Variants in BCOR observed in about 807,000 individuals in gnomAD.
The protein encoded by BCOR is BCL-6 corepressor.
BCOR carries 10 observed loss-of-function variants against 86.7 expected under a neutral mutation model. That is an observed-to-expected ratio of 0.12 (90% confidence interval 0.07 to 0.20). The LOEUF (loss-of-function observed/expected upper bound fraction) is 0.20. BCOR is among the 10% of genes least tolerant of loss of function. The pLI is 1.00. For missense variants in BCOR, 1,259 were observed against 1,452.1 expected, an observed-to-expected ratio of 0.87 and a Z score of 2.16; for synonymous variants, 611 against 609.0, an observed-to-expected ratio of 1.00 and a Z score of -0.05.
intron 4 of BCOR, 42 bp downstream of exon 4, chrX:40,072,307 G>A (rs2147197548): frequency 8.5e-7 from 1 of 1,174,726 alleles, no homozygotes; most frequent in African/African-American, 1.8e-5. Context: ...TTAAAAAACT[G>A]ACAACTGGTA....
intron 1 of BCOR, among the ~76,000 whole-genome samples, chrX:40,152,907 G>A (rs1309146476): frequency 1.8e-5 from 2 of 113,285 alleles, no homozygotes; most frequent in African/African-American, 6.4e-5. Context: ...CGAGAGGGCG[G>A]GAGGAGACAG....
intron 1 of BCOR, among the ~76,000 whole-genome samples, chrX:40,126,214 CAAAAAAAAA>C (rs753237058): frequency 2.8e-5 from 1 of 35,121 alleles, no homozygotes; most frequent in East Asian, 9.0e-4. Flanking sequence ...GACTCCGTCT[CAAAAAAAAA>C]AAAAAAAAAG....
intron 1 of BCOR, among the ~76,000 whole-genome samples, chrX:40,121,276 C>T (rs1382925701): frequency 1.8e-5 from 2 of 111,368 alleles, no homozygotes; most frequent in African/African-American, 3.3e-5. Context: ...CCACCGGGAG[C>T]TGGCTTAGAT....
chrX:40,130,054 AC>A (rs1184129979), intron 1 of BCOR, among the ~76,000 whole-genome samples: 4 of 111,156 alleles, frequency 3.6e-5, no homozygotes, highest in Non-Finnish European at 7.6e-5. Flanking sequence ...AACAGACTTC[AC>A]CCGTGCAGCA....
chrX:40,145,609 C>T (rs1480373320), intron 1 of BCOR, among the ~76,000 whole-genome samples: 2 of 111,931 alleles, frequency 1.8e-5, no homozygotes, highest in Non-Finnish European at 3.8e-5. Context: ...GGTTTCGGTC[C>T]CAGCAGCCAC....
chrX:40,062,806 C>G lies in BCOR; in HGVS notation c.4113G>C (p.Gln1371His). The G allele has an allele frequency of 8.3e-7, 1 of 1,211,789 alleles. No individual in the cohort carries two copies. Reference protein sequence around the residue: ...RLCKTKHLIPQESRRGLPLTG... With the variant: ...RLCKTKHLIPHESRRGLPLTG... ...TCAGTGGCAATCCCCGCCTGGACTCCTGAGGGATCAAGTGTTTGGTTTTGC... is the reference window on the plus strand; with the variant it reads ...TCAGTGGCAATCCCCGCCTGGACTCGTGAGGGATCAAGTGTTTGGTTTTGC... The change falls in exon 9 of 15, where the codon CAG becomes CAC. Residue 1371 changes from glutamine to histidine, a missense_variant. Transcript: ENST00000378444.
intron 1 of BCOR, among the ~76,000 whole-genome samples, chrX:40,096,876 G>T (rs1159906538): frequency 2.0e-5 from 2 of 102,511 alleles, no homozygotes; most frequent in African/African-American, 7.2e-5. Flanking sequence ...GCTCAGCGGC[G>T]ACCGCGCTCC....
chrX:40,071,608 T>G, intron 5 of BCOR, 29 bp downstream of exon 5: 1 of 1,092,764 alleles, frequency 9.2e-7, no homozygotes. Flanking sequence ...TTATGTAAGA[T>G]TCTAGTAATA....
chrX:40,138,113 C>T (rs1035216554), intron 1 of BCOR, among the ~76,000 whole-genome samples: 7 of 111,103 alleles, frequency 6.3e-5, no homozygotes, highest in African/African-American at 1.3e-4. Context: ...CCATCATGCC[C>T]GGCTAATTTT....
intron 1 of BCOR, among the ~76,000 whole-genome samples, chrX:40,134,025 T>G (rs1485838308): frequency 9.1e-6 from 1 of 109,563 alleles, no homozygotes; most frequent in African/African-American, 3.3e-5. Flanking sequence ...GACTGAAATG[T>G]AACCCCCTAG....
chrX:40,112,673 C>T (rs1937330396), intron 1 of BCOR, among the ~76,000 whole-genome samples: 1 of 111,723 alleles, frequency 9.0e-6, no homozygotes, highest in South Asian at 3.7e-4. Flanking sequence ...GCCTCTGCCT[C>T]CTAAAGTGCT....
upstream of BCOR, among the ~76,000 whole-genome samples, chrX:40,101,712 G>A (rs1462180044): frequency 8.9e-6 from 1 of 112,494 alleles, no homozygotes; most frequent in African/African-American, 3.2e-5. Flanking sequence ...GTGTTTGGGG[G>A]GACCCTGGCC....
chrX:40,173,812 C>T (rs765968953), intron 1 of BCOR, among the ~76,000 whole-genome samples: 1 of 112,687 alleles, frequency 8.9e-6, no homozygotes, highest in African/African-American at 3.2e-5. Context: ...AATCAGTTCT[C>T]GGAGGAGTTG....
At position 40,097,875 on chromosome X, in the gene BCOR, C is replaced by G. The variant is rs1432933739; in HGVS notation, c.-701G>C. On this transcript the variant is annotated 5_prime_UTR_variant, in exon 1 of 15. Coordinates refer to ENST00000378444, the MANE Select transcript of BCOR (RefSeq NM_001123385.2). ...TCGCGGTCTGGGCTCCTGCGCGTCT[C>G]CCCCGCAGCCGCCGAGCTCGGCCCG... Among the ~76,000 whole-genome samples, 1 of 110,487 alleles carries G rather than the reference C, an allele frequency of 9.1e-6. No homozygotes were observed. The highest frequency in any genetic ancestry group is 1.9e-5 in the Non-Finnish European group (1 of 52,321).
chrX:40,052,059 T>C lies in BCOR; in HGVS notation c.*50A>G, dbSNP rs894418822. The stretch of plus-strand genomic sequence containing the variant: ...AGAAATAGTTGTATTATGACACATA[T>C]GCACAAGGATTAACACTATAACACA... On this transcript the variant is annotated 3_prime_UTR_variant, in exon 15 of 15. Coordinates refer to ENST00000378444, the MANE Select transcript of BCOR (RefSeq NM_001123385.2). The C allele has an allele frequency of 9.5e-6, 10 of 1,049,685 alleles. No homozygotes were observed. The highest frequency in any genetic ancestry group is 1.3e-5 in the Non-Finnish European group (10 of 786,532). The allele number at this position is 1,049,685 out of a possible 1,213,427, so 86.5% of individuals were successfully genotyped here. A position where few individuals can be genotyped will look rare whatever the true frequency, so the allele number is the denominator to read the frequency against.
rs761288192 is a variant in BCOR at position 40,074,839 on chromosome X, G to A, written c.507C>T (p.Asp169=). ...AVATAEALGL[D]RPASDKQSPL... ...GGCTCTGTTTGTCGCTGGCAGGCCT[G>A]TCCAAGCCCAGCGCTTCTGCTGTGG... Residue 169 remains aspartate, a synonymous_variant, in exon 4 of 15, where the codon GAC becomes GAT. Coordinates refer to ENST00000378444, the MANE Select transcript of BCOR (RefSeq NM_001123385.2). The A allele has an allele frequency of 1.7e-6, 2 of 1,211,834 alleles. No homozygotes were observed. The highest frequency in any genetic ancestry group is 4.3e-5 in the Admixed American group (2 of 46,083).
intron 1 of BCOR, among the ~76,000 whole-genome samples, chrX:40,108,941 A>G (rs1010288611): frequency 2.7e-5 from 3 of 112,919 alleles, no homozygotes; most frequent in African/African-American, 9.6e-5. Flanking sequence ...ACACATGCAC[A>G]TTCGGTCCCG....
At chrX:40,063,110 G>GGGGGGGGTGGC in intron 8 of BCOR, 39 bp from the exon 9 acceptor site, 4 of 644,553 alleles carry the variant, frequency 6.2e-6, no homozygotes, top group Middle Eastern at 6.0e-4. Context: ...GGGCGGATGG[G>GGGGGGGGTGGC]AGACGGGAGA....
intron 1 of BCOR, among the ~76,000 whole-genome samples, chrX:40,142,286 G>C (rs900066122): frequency 8.9e-6 from 1 of 112,291 alleles, no homozygotes; most frequent in Non-Finnish European, 1.9e-5. Flanking sequence ...GTCACCCTGA[G>C]CTAGTGTTTT....
Sources: gnomAD v4.1 joint callset for allele counts (sites outside exome capture counted in the v4.1 genomes callset) on GRCh38, gnomAD v4.1.1 for gene constraint, MANE v1.5 for transcripts, NCBI Gene and HGNC (gene_info 2026-07-23, HGNC 2026-07-21) for gene names.